Variants in DNMBP observed in about 807,000 individuals in gnomAD.
DNMBP encodes dynamin binding protein, also known as dynamin-binding protein.
DNMBP carries 87 observed loss-of-function variants against 150.0 expected under a neutral mutation model. The ratio of observed to expected loss-of-function variants is 0.58; its 90% CI spans 0.49 to 0.69. The LOEUF (loss-of-function observed/expected upper bound fraction) is 0.69. Among genes scored for constraint, DNMBP ranks in the 30% least tolerant of loss-of-function variants. DNMBP has a pLI of 0.00. For missense variants in DNMBP, 1,774 were observed against 1,949.0 expected (o/e 0.91, Z 1.69); for synonymous variants, 711 against 750.4 (o/e 0.95, Z 0.86).
intron 14 of DNMBP, 98 bp from the exon 15 acceptor site, chr10:99,884,307 A>G (rs1339441927): frequency 9.7e-7 from 1 of 1,030,674 alleles, no homozygotes; most frequent in African/African-American, 1.6e-5. Flanking sequence ...TGAGGCAGGG[A>G]CAGTCAGTCA....
intron 1 of DNMBP, among the ~76,000 whole-genome samples, chr10:100,004,120 C>G (rs1430947853): frequency 6.6e-6 from 1 of 151,106 alleles, no homozygotes; most frequent in Non-Finnish European, 1.5e-5. Flanking sequence ...TGGCACATGC[C>G]TGTGGTCTCA....
intron 1 of DNMBP, among the ~76,000 whole-genome samples, chr10:99,998,761 ATTG>A (rs1412687954): frequency 6.6e-6 from 1 of 152,140 alleles, no homozygotes; most frequent in African/African-American, 2.4e-5. Flanking sequence ...TAATAATGGT[ATTG>A]TTGTCATACA....
At position 99,900,475 on chromosome 10, in the gene DNMBP, A is replaced by G. The variant is rs113839134; in HGVS notation, c.2555-409T>C. On this transcript the variant is annotated intron_variant, in intron 6 of 16. Coordinates refer to ENST00000324109, the MANE Select transcript of DNMBP (RefSeq NM_015221.4). ...GAGAGGGGGTTTCGCCATGTTGCCCAGGCTCATGTATTTGTTTTAGAACAA... is the reference window on the plus strand; with the variant it reads ...GAGAGGGGGTTTCGCCATGTTGCCCGGGCTCATGTATTTGTTTTAGAACAA... Among the ~76,000 whole-genome samples the G allele has an allele frequency of 3.2e-3, 483 of 152,136 alleles. 5 individuals carry two copies. The highest frequency in any genetic ancestry group is 0.02 in the Middle Eastern group (6 of 294).
chr10:99,987,060 C>T (rs1004459926), intron 1 of DNMBP, among the ~76,000 whole-genome samples: 10 of 150,300 alleles, frequency 6.7e-5, no homozygotes, highest in Non-Finnish European at 1.0e-4. Context: ...GAGGCTGAGG[C>T]GGGAGAATGG....
chr10:99,956,353 G>T lies in DNMBP; in HGVS notation c.1121C>A (p.Ser374Tyr), dbSNP rs1235010965. 2 of 1,614,006 alleles carry T rather than the reference G, an allele frequency of 1.2e-6. No individual in the cohort carries two copies. Among genetic ancestry groups the T allele is most frequent in the Admixed American group, 1.7e-5 (1 of 60,014 alleles). The change falls in exon 4 of 17, where the codon TCT (serine) becomes TAT (tyrosine). Residue 374 changes from serine (S) to tyrosine (Y), a missense_variant. This residue lies in a region of DNMBP where 1,430 missense variants were observed against 1,492.5 expected (regional missense o/e 0.96). Coordinates refer to ENST00000324109, the MANE Select transcript of DNMBP (RefSeq NM_015221.4). ...TCCTGCGGTGTCCTCGTCCTGATAA[G>T]AGTTTCTGTCTGTGTCATACTCTGA... ...LTSEYDTDRN[S>Y]YQDEDTAGGP...
intron 6 of DNMBP, among the ~76,000 whole-genome samples, chr10:99,906,216 GA>G (rs1485804432): frequency 1.3e-5 from 2 of 152,092 alleles, no homozygotes; most frequent in Non-Finnish European, 2.9e-5. Flanking sequence ...CCAGTGTCAT[GA>G]CCCATTCCCC....
intron 9 of DNMBP, 121 bp from the exon 10 acceptor site, chr10:99,896,518 A>G: frequency 1.1e-6 from 1 of 933,310 alleles, no homozygotes; most frequent in Non-Finnish European, 1.7e-6. Context: ...ATAACAAAAT[A>G]TTAATCCAAA....
At chr10:100,000,933 G>A (rs2041002443) in intron 1 of DNMBP, among the ~76,000 whole-genome samples, 1 of 148,004 alleles carries the variant, frequency 6.8e-6, no homozygotes, top group South Asian at 2.2e-4. Context: ...AACACCAAAG[G>A]ACACTGGGGG....
chr10:99,977,375 C>T (rs1417231901), intron 1 of DNMBP, among the ~76,000 whole-genome samples: 1 of 152,142 alleles, frequency 6.6e-6, no homozygotes, highest in Non-Finnish European at 1.5e-5. Context: ...TAAATGGCTT[C>T]TATAAGCTGT....
intron 3 of DNMBP, among the ~76,000 whole-genome samples, chr10:99,967,668 G>GGTGT (rs140839578): frequency 0.26 from 38,401 of 145,444 alleles, 5,364 homozygotes; most frequent in Non-Finnish European, 0.33. Context: ...GGTTTTTCTG[G>GGTGT]GTGTGTGTGT....
At chr10:99,939,030 G>C (rs1364136331) in intron 4 of DNMBP, among the ~76,000 whole-genome samples, 3 of 151,948 alleles carry the variant, frequency 2.0e-5, no homozygotes, top group Non-Finnish European at 4.4e-5. Flanking sequence ...ACCTATTCTA[G>C]AAGTGAGGAT....
Position 99,995,366 on chromosome 10 carries a change from A to G in DNMBP, c.-11+14472T>C, listed in dbSNP as rs11190355. On this transcript the variant is annotated intron_variant, in intron 1 of 16. Transcript: ENST00000324109. The stretch of plus-strand genomic sequence containing the variant: ...CCTGGCAAAAACAGAAATCTTATAC[A>G]TCTTTACCGCCTGAAGTTCCTCTAA... 3.2e-3 allele frequency among the ~76,000 whole-genome samples: 494 copies of G among 152,166 alleles called. 3 individuals carry two copies. The highest frequency in any genetic ancestry group is 0.011 in the African/African-American group (452 of 41,530).
At chr10:99,998,223 G>A (rs1233584412) in intron 1 of DNMBP, among the ~76,000 whole-genome samples, 1 of 131,982 alleles carries the variant, frequency 7.6e-6, no homozygotes, top group African/African-American at 3.1e-5. Context: ...GACAGAGCAA[G>A]ACTCCGTCTC....
rs181067038 is a variant in DNMBP, at chr10:99,978,830, C to T, written c.-10-6696G>A. Among the ~76,000 whole-genome samples the T allele has an allele frequency of 4.2e-3, 638 of 152,306 alleles. 6 individuals are homozygous for T. The highest frequency in any genetic ancestry group is 6.8e-3 in the Admixed American group (104 of 15,300). On this transcript the variant is annotated intron_variant, in intron 1 of 16. Transcript: ENST00000324109. ...ACTCAGGTGCTCTGCCCTCCTCGGCCTCCCAAATTGCTGGGATTACAGGCG... is the reference window on the plus strand; with the variant it reads ...ACTCAGGTGCTCTGCCCTCCTCGGCTTCCCAAATTGCTGGGATTACAGGCG...
intron 1 of DNMBP, among the ~76,000 whole-genome samples, chr10:99,990,550 CAA>C (rs1223486953): frequency 9.8e-6 from 1 of 102,486 alleles, no homozygotes. Context: ...GATCCTGTCT[CAA>C]AAAAAAAAAT....
chr10:99,908,134 A>G, intron 5 of DNMBP, 40 bp from the exon 6 acceptor site: 2 of 1,393,614 alleles, frequency 1.4e-6, no homozygotes, highest in Non-Finnish European at 2.0e-6. Context: ...CACGGAAATG[A>G]GCTTAATGGC....
At chr10:99,911,262 C>T (rs1367823399) in intron 4 of DNMBP, among the ~76,000 whole-genome samples, 6 of 151,982 alleles carry the variant, frequency 3.9e-5, no homozygotes, top group Non-Finnish European at 8.8e-5. Context: ...CGCCTGTCAT[C>T]CCCGCACTTT....
intron 11 of DNMBP, among the ~76,000 whole-genome samples, chr10:99,891,386 G>A (rs1238445105): frequency 1.3e-5 from 2 of 151,560 alleles, no homozygotes; most frequent in Admixed American, 6.6e-5. Flanking sequence ...TGTTGGCCAG[G>A]CCGGTCTCCA....
Position 99,969,235 on chromosome 10 carries a change from G to T in DNMBP, c.148C>A (p.Gln50Lys). Residue 50 changes from glutamine to lysine, a missense_variant and splice_region_variant, in exon 3 of 17, where the codon CAA (glutamine) becomes AAA (lysine). Physicochemically the swap from Gln to Lys is moderately conservative, Grantham distance 53 (BLOSUM62 1). Transcript: ENST00000324109. ...LLGKKEDVTG[Q>K]FPSSFVEIVT... ...ATTTCCACAAAACTGCTGGGGAATT[G>T]TCCTGAAAATAAAAGCAAACATATT... 3.1e-6 allele frequency: 5 copies of T among 1,613,872 alleles called. No homozygotes were observed. The highest frequency in any genetic ancestry group is 4.2e-6 in the Non-Finnish European group (5 of 1,179,894).
Sources: gnomAD v4.1 joint callset for allele counts (sites outside exome capture counted in the v4.1 genomes callset) on GRCh38, gnomAD v4.1.1 for gene constraint, gnomAD v4.1.1 regional missense constraint, MANE v1.5 for transcripts, NCBI Gene and HGNC (gene_info 2026-07-23, HGNC 2026-07-21) for gene names.